The following STK11IP variants were observed in gnomAD, a reference collection of about 807,000 sequenced individuals.
The protein encoded by STK11IP is serine/threonine-protein kinase 11-interacting protein.
A neutral mutation model predicts 131.7 loss-of-function variants in STK11IP; 103 were observed. That is an observed-to-expected ratio of 0.78 (90% confidence interval 0.67 to 0.92). STK11IP has a LOEUF of 0.92. Ranked by LOEUF, STK11IP falls within the 40% of genes least tolerant of loss-of-function variation. The pLI, the probability that STK11IP is intolerant of heterozygous loss-of-function variation, is 0.00. For missense variants in STK11IP, 1,315 were observed against 1,385.7 expected (o/e 0.95, Z 0.81); for synonymous variants, 557 against 575.6 (o/e 0.97, Z 0.46).
At position 219,614,113 on chromosome 2, in the gene STK11IP, T is replaced by C. The variant is rs973749406; in HGVS notation, c.2717-48T>C. The stretch of plus-strand genomic sequence containing the variant: ...GGATTGAGAGGTGGTGAGTTTAGGC[T>C]GGAGGAGAGCAGAGCCTTCTAAAGT... On this transcript the variant is annotated intron_variant, in intron 21 of 24. Coordinates refer to ENST00000456909, the MANE Select transcript of STK11IP (RefSeq NM_052902.4). 2.5e-6 allele frequency: 4 copies of C among 1,604,618 alleles called. No homozygotes were observed. The African/African-American group carries it at 5.4e-5, about 21-fold the overall frequency.
Position 219,616,197 on chromosome 2 carries a change from T to C in STK11IP, c.*4T>C. ...GGCGCTGGCCCTTGACCGATGAGGGTCCCACGCTGACCTTGGCCCTGACCT... is the reference window on the plus strand; with the variant it reads ...GGCGCTGGCCCTTGACCGATGAGGGCCCCACGCTGACCTTGGCCCTGACCT... On this transcript the variant is annotated 3_prime_UTR_variant, in exon 25 of 25. Transcript: ENST00000456909. 6.2e-7 allele frequency: 1 copy of C among 1,612,286 alleles called. No individual in the cohort carries two copies. Among genetic ancestry groups the C allele is most frequent in the Non-Finnish European group, 8.5e-7 (1 of 1,179,318 alleles).
chr2:219,614,112 C>T (rs962374758), intron 21 of STK11IP, 49 bp from the exon 22 acceptor site: 37 of 1,602,688 alleles, frequency 2.3e-5, no homozygotes, highest in Non-Finnish European at 3.1e-5. Context: ...TGAGTTTAGG[C>T]TGGAGGAGAG....
At chr2:219,615,887 C>T in intron 24 of STK11IP, 157 bp from the exon 25 acceptor site, 1 of 979,974 alleles carries the variant, frequency 1.0e-6, no homozygotes, top group Non-Finnish European at 1.6e-6. Flanking sequence ...TTACAAAGCT[C>T]AGAGTCAGGA....
In STK11IP at chr2:219,616,371, CAG is replaced by C. The variant is rs773304516; in HGVS notation, c.*179_*180del. 1.1e-4 allele frequency: 84 copies of C among 751,566 alleles called. No homozygotes were observed. The highest frequency in any genetic ancestry group is 1.7e-4 in the Non-Finnish European group (80 of 484,614). The allele number at this position is 751,566 out of a possible 1,614,324, so 46.6% of individuals were successfully genotyped here. Reference sequence around the variant, plus strand: ...GAGAGGCGAGAGAATGATCTGGCCTCAGGGGACAGGCCACCTGGTCAGGAGGA... The same window carrying C: ...GAGAGGCGAGAGAATGATCTGGCCTCGGGACAGGCCACCTGGTCAGGAGGA... On this transcript the variant is annotated 3_prime_UTR_variant, in exon 25 of 25. Transcript: ENST00000456909.
In STK11IP at chr2:219,608,293, A is replaced by G. The variant is rs1158610732; in HGVS notation, c.1466A>G (p.Glu489Gly). Residue 489 changes from glutamate (E) to glycine (G), a missense_variant, in exon 14 of 25, where the codon GAG becomes GGG. By Grantham distance (98) the Glu-to-Gly change is moderately conservative (BLOSUM62 -2). Transcript: ENST00000456909. ...GAGTCACCACAGAAAATGTCAGAGG[A>G]GGTCAGGGCGGAGCCACAGGAGGAG... ...PQESPQKMSE[E>G]VRAEPQEEEE... The G allele has an allele frequency of 6.2e-7, 1 of 1,611,934 alleles. No individual in the cohort carries two copies. The highest frequency in any genetic ancestry group is 1.1e-5 in the South Asian group (1 of 90,858).
rs1294970634 is a variant in STK11IP at position 219,616,242 on chromosome 2, A to T, written c.*49A>T. On this transcript the variant is annotated 3_prime_UTR_variant, in exon 25 of 25. Transcript: ENST00000456909. The stretch of plus-strand genomic sequence containing the variant: ...TGACCTCAGGAGCCACGCTGTAGAC[A>T]TTCCCTCTCCTGGTCTCTGGGTCTG... 1.3e-6 allele frequency: 2 copies of T among 1,576,184 alleles called. No homozygotes were observed. Among genetic ancestry groups the T allele is most frequent in the African/African-American group, 2.7e-5 (2 of 74,160 alleles).
intron 7 of STK11IP, among the ~76,000 whole-genome samples, chr2:219,605,229 C>A (rs766160229): frequency 2.6e-5 from 4 of 152,172 alleles, no homozygotes; most frequent in Non-Finnish European, 5.9e-5. Context: ...CCACATGAAA[C>A]CCATCTGAGT....
At chr2:219,604,131 G>C (rs1445554537) in intron 7 of STK11IP, among the ~76,000 whole-genome samples, 1 of 152,136 alleles carries the variant, frequency 6.6e-6, no homozygotes, top group African/African-American at 2.4e-5. Context: ...AAATTCTTTT[G>C]GCAGCCTTGA....
At position 219,608,344 on chromosome 2, in the gene STK11IP, A is replaced by T. The variant is rs1409786391; in HGVS notation, c.1517A>T (p.Glu506Val). ...EEEEEKEGKEEKEEGEMVEQG... is the reference protein window; with the variant it reads ...EEEEEKEGKEVKEEGEMVEQG... ...GAAGAGGAGAAGGAGGGGAAGGAGG[A>T]GAAGGAGGAGGGGGAGATGGTGGAA... Residue 506 changes from glutamate (E) to valine (V), a missense_variant, in exon 14 of 25, where the codon GAG (glutamate) becomes GTG (valine). Physicochemically the swap from Glu to Val is moderately radical, Grantham distance 121. Coordinates refer to ENST00000456909, the MANE Select transcript of STK11IP (RefSeq NM_052902.4). The T allele has an allele frequency of 2.5e-6, 4 of 1,589,118 alleles. No homozygotes were observed. The African/African-American group carries it at 5.4e-5, about 21-fold the overall frequency.
intron 22 of STK11IP, 28 bp downstream of exon 22, chr2:219,614,270 G>A (rs758091089): frequency 6.2e-7 from 1 of 1,611,238 alleles, no homozygotes; most frequent in Non-Finnish European, 8.5e-7. Flanking sequence ...AGAGGCTGGG[G>A]TTGCTGCCCA....
In STK11IP at chr2:219,611,760, A is replaced by C; in HGVS notation, c.2261A>C (p.His754Pro). 1 of 1,612,972 alleles carries C rather than the reference A, an allele frequency of 6.2e-7. No homozygotes were observed. The highest frequency in any genetic ancestry group is 8.5e-7 in the Non-Finnish European group (1 of 1,179,850). ...PVCHPPGHGD[H>P]LDRAKNSPPQ... ...TGCCACCCTCCTGGCCATGGTGACCACCTTGACAGGGCCAAGAACAGCCCA... is the reference window on the plus strand; with the variant it reads ...TGCCACCCTCCTGGCCATGGTGACCCCCTTGACAGGGCCAAGAACAGCCCA... The change falls in exon 18 of 25, where the codon CAC (histidine) becomes CCC (proline). Residue 754 changes from histidine to proline, a missense_variant. His to Pro is a moderately conservative substitution (Grantham distance 77). Transcript: ENST00000456909.
chr2:219,611,568 G>T, intron 17 of STK11IP, 36 bp from the exon 18 acceptor site: 2 of 1,540,296 alleles, frequency 1.3e-6, no homozygotes, highest in Non-Finnish European at 1.8e-6. Flanking sequence ...GCACTGTGGG[G>T]GGGGCTCATG....
chr2:219,614,915 C>A, intron 23 of STK11IP, 179 bp from the exon 24 acceptor site: 1 of 735,396 alleles, frequency 1.4e-6, no homozygotes, highest in Non-Finnish European at 2.2e-6. Context: ...AGAGGTATTC[C>A]AGAGTAGAGA....
chr2:219,608,734 G>A lies in STK11IP; in HGVS notation c.1755G>A (p.Leu585=). 6.2e-7 allele frequency: 1 copy of A among 1,612,564 alleles called. No homozygotes were observed. The highest frequency in any genetic ancestry group is 8.5e-7 in the Non-Finnish European group (1 of 1,179,514). ...TGGAGCGACTGGAGCTCCAGAGTCT[G>A]GAGGCAGCTGAGATAGAGCCGGAGG... The part of the protein sequence containing the change: ...RTLERLELQS[L]EAAEIEPEAQ... Residue 585 remains leucine (L), a synonymous_variant, in exon 15 of 25, where the codon CTG becomes CTA. Coordinates refer to ENST00000456909, the MANE Select transcript of STK11IP (RefSeq NM_052902.4).
At chr2:219,613,054 G>A (rs1290500226) in intron 19 of STK11IP, 74 bp from the exon 20 acceptor site, 3 of 1,239,024 alleles carry the variant, frequency 2.4e-6, no homozygotes, top group Non-Finnish European at 3.5e-6. Flanking sequence ...CTGTCACCAG[G>A]AACTCGGCTT....
rs561110079 is a variant in STK11IP at position 219,605,500 on chromosome 2, C to T, written c.619-108C>T. 62 of 1,060,382 alleles carry T rather than the reference C, an allele frequency of 5.8e-5. No individual in the cohort carries two copies. The South Asian group carries it at 6.0e-4, about 10-fold the overall frequency. The allele number at this position is 1,060,382 out of a possible 1,614,324, so 65.7% of individuals were successfully genotyped here. On this transcript the variant is annotated intron_variant, in intron 7 of 24. Transcript: ENST00000456909. ...TGAAATCATTTGTGCTGAGTGTGTGCAGTTTTATATAGGCCAAGGTTGAGG... is the reference window on the plus strand; with the variant it reads ...TGAAATCATTTGTGCTGAGTGTGTGTAGTTTTATATAGGCCAAGGTTGAGG...
Position 219,616,161 on chromosome 2 carries a change from G to A in STK11IP, c.3235G>A (p.Val1079Met), listed in dbSNP as rs199987598. The change falls in exon 25 of 25, where the codon GTG becomes ATG. Residue 1079 changes from valine (V) to methionine (M), a missense_variant. Val to Met is a conservative substitution (Grantham distance 21, BLOSUM62 1). Coordinates refer to ENST00000456909, the MANE Select transcript of STK11IP (RefSeq NM_052902.4). ...GCTGTTTTCCATCGGACTCCGGACA[G>A]TGATCCAAGAGGCGCTGGCCCTTGA... Reference protein sequence around the residue: ...EELFSIGLRTVIQEALALDR With the variant: ...EELFSIGLRTMIQEALALDR The A allele has an allele frequency of 8.1e-6, 13 of 1,613,616 alleles. No homozygotes were observed. The highest frequency in any genetic ancestry group is 3.3e-5 in the Admixed American group (2 of 60,010).
rs189406374 is a variant in STK11IP at position 219,614,028 on chromosome 2, G to A, written c.2716+98G>A. 1.4e-4 allele frequency: 213 copies of A among 1,497,550 alleles called. No individual in the cohort carries two copies. The East Asian group carries it at 4.8e-3, about 34-fold the overall frequency. 92.8% of individuals were successfully genotyped at this position (1,497,550 alleles called of 1,614,324 possible). On this transcript the variant is annotated intron_variant, in intron 21 of 24. Transcript: ENST00000456909. The stretch of plus-strand genomic sequence containing the variant: ...TGGTACCCAGTAGCGGAGACAGAGA[G>A]GTAACAGGACTTGTCCCTTGTAGAA...
Position 219,611,720 on chromosome 2 carries a change from T to G in STK11IP, c.2221T>G (p.Ser741Ala). Reference sequence around the variant, plus strand: ...AGAGCAGTCTCTGGCTCCTTCTCCGTCTGCCAGCCCTGTCTGCCACCCTCC... The same window carrying G: ...AGAGCAGTCTCTGGCTCCTTCTCCGGCTGCCAGCCCTGTCTGCCACCCTCC... ...QGEQSLAPSP[S>A]ASPVCHPPGH... is the part of the protein sequence containing the mutation. Residue 741 changes from serine (S) to alanine (A), a missense_variant, in exon 18 of 25, where the codon TCT becomes GCT. Ser to Ala is a moderately conservative substitution (Grantham distance 99). Coordinates refer to ENST00000456909, the MANE Select transcript of STK11IP (RefSeq NM_052902.4). The G allele has an allele frequency of 6.2e-7, 1 of 1,613,034 alleles. No individual in the cohort carries two copies. Among genetic ancestry groups the G allele is most frequent in the Non-Finnish European group, 8.5e-7 (1 of 1,179,868 alleles).
Sources: allele counts gnomAD v4.1 joint callset (sites outside exome capture counted in the v4.1 genomes callset), GRCh38; gene constraint gnomAD v4.1.1; transcripts MANE v1.5; gene names NCBI Gene and HGNC (gene_info 2026-07-23, HGNC 2026-07-21).